The following CAMKMT variants were observed in gnomAD, a reference collection of about 807,000 sequenced individuals.
CAMKMT encodes calmodulin-lysine N-methyltransferase.
CAMKMT carries 53 observed loss-of-function variants against 48.0 expected under a neutral mutation model. The observed-to-expected ratio is 1.10, with a 90% CI of 0.89 to 1.39. The LOEUF (loss-of-function observed/expected upper bound fraction) is 1.39. Among genes scored for constraint, CAMKMT ranks in the 40% most tolerant of loss-of-function variants. The pLI is 0.00. For missense variants in CAMKMT, 428 were observed against 402.7 expected, an observed-to-expected ratio of 1.06 and a Z score of -0.54; for synonymous variants, 165 against 152.3, an observed-to-expected ratio of 1.08 and a Z score of -0.61.
chr2:44,399,222 T>C (rs957350475), intron 3 of CAMKMT, among the ~76,000 whole-genome samples: 1 of 152,206 alleles, frequency 6.6e-6, no homozygotes, highest in African/African-American at 2.4e-5. Flanking sequence ...TAATTTCTGA[T>C]TGATTTTCTA....
chr2:44,678,220 C>T (rs761208392), intron 3 of CAMKMT, among the ~76,000 whole-genome samples: 6 of 152,172 alleles, frequency 3.9e-5, no homozygotes, highest in Non-Finnish European at 1.5e-5. Context: ...AAAAAGTAGA[C>T]TTGTGATGGT....
intron 3 of CAMKMT, among the ~76,000 whole-genome samples, chr2:44,585,682 A>G (rs1022296108): frequency 1.3e-5 from 2 of 152,234 alleles, no homozygotes; most frequent in Non-Finnish European, 2.9e-5. Flanking sequence ...ACAATTGTGT[A>G]CTTTATGAAG....
chr2:44,633,153 A>G (rs1672934191), intron 3 of CAMKMT, among the ~76,000 whole-genome samples: 1 of 152,062 alleles, frequency 6.6e-6, no homozygotes, highest in African/African-American at 2.4e-5. Context: ...TCAAAAGTAC[A>G]CCCATTTTTG....
intron 3 of CAMKMT, among the ~76,000 whole-genome samples, chr2:44,608,111 C>T (rs1671394865): frequency 2.1e-5 from 3 of 144,844 alleles, no homozygotes; most frequent in Middle Eastern, 7.3e-3. Context: ...CTTGCTCCGT[C>T]GCCCAGGCTG....
chr2:44,405,090 A>G (rs990587248), intron 3 of CAMKMT, among the ~76,000 whole-genome samples: 1 of 152,038 alleles, frequency 6.6e-6, no homozygotes, highest in Non-Finnish European at 1.5e-5. Flanking sequence ...GGAGTTCATT[A>G]TTTTCTATCT....
chr2:44,404,312 A>C (rs1349211045), intron 3 of CAMKMT, among the ~76,000 whole-genome samples: 1 of 152,122 alleles, frequency 6.6e-6, no homozygotes, highest in African/African-American at 2.4e-5. Context: ...CTCCAGGAAC[A>C]TGTTCATATT....
intron 3 of CAMKMT, among the ~76,000 whole-genome samples, chr2:44,527,293 A>C (rs1271474843): frequency 1.4e-5 from 2 of 144,312 alleles, no homozygotes; most frequent in East Asian, 2.0e-4. Context: ...ATATATATAT[A>C]ATATACATAT....
At chr2:44,442,740 G>C (rs1281313362) in intron 3 of CAMKMT, among the ~76,000 whole-genome samples, 3 of 152,166 alleles carry the variant, frequency 2.0e-5, no homozygotes, top group Admixed American at 6.5e-5. Context: ...AAAGTACTTA[G>C]TTCATCCTGC....
intron 3 of CAMKMT, among the ~76,000 whole-genome samples, chr2:44,499,435 A>G (rs1340539975): frequency 6.6e-6 from 1 of 152,220 alleles, no homozygotes; most frequent in Non-Finnish European, 1.5e-5. Flanking sequence ...CTCAAGTTCT[A>G]GTGTATTCAT....
At chr2:44,493,053 C>G (rs1277042615) in intron 3 of CAMKMT, among the ~76,000 whole-genome samples, 5 of 151,872 alleles carry the variant, frequency 3.3e-5, no homozygotes, top group Non-Finnish European at 4.4e-5. Flanking sequence ...ACCACCATGC[C>G]CAGCTAATTT....
intron 3 of CAMKMT, among the ~76,000 whole-genome samples, chr2:44,611,856 G>A (rs1282243206): frequency 6.6e-6 from 1 of 151,912 alleles, no homozygotes; most frequent in Non-Finnish European, 1.5e-5. Flanking sequence ...GAGGTTGGGG[G>A]AGGTGCCACA....
intron 3 of CAMKMT, among the ~76,000 whole-genome samples, chr2:44,520,372 C>G (rs1181962027): frequency 6.6e-6 from 1 of 152,136 alleles, no homozygotes; most frequent in East Asian, 1.9e-4. Context: ...CTGCCGTGGA[C>G]TCCCAAGTTG....
chr2:44,487,434 T>C (rs568949500), intron 3 of CAMKMT, among the ~76,000 whole-genome samples: 43 of 152,294 alleles, frequency 2.8e-4, no homozygotes, highest in Middle Eastern at 6.8e-3. Context: ...ATAATTATAA[T>C]CAAATAGAGA....
intron 10 of CAMKMT, among the ~76,000 whole-genome samples, chr2:44,770,390 G>A (rs1681054198): frequency 6.6e-6 from 1 of 152,224 alleles, no homozygotes; most frequent in Non-Finnish European, 1.5e-5. Flanking sequence ...GGTCAGCATA[G>A]AATCCAAGTT....
intron 9 of CAMKMT, among the ~76,000 whole-genome samples, chr2:44,757,049 C>T (rs559140487): frequency 1.3e-5 from 2 of 152,324 alleles, no homozygotes; most frequent in African/African-American, 2.4e-5. Context: ...CTAGTGCCCA[C>T]CTTGTGGATT....
At chr2:44,766,154 G>A (rs1018475145) in intron 9 of CAMKMT, among the ~76,000 whole-genome samples, 7 of 152,148 alleles carry the variant, frequency 4.6e-5, no homozygotes, top group African/African-American at 9.7e-5. Flanking sequence ...CATATTGTTC[G>A]GAACACCGGC....
chr2:44,631,399 A>G, intron 3 of CAMKMT: 1 of 491,108 alleles, frequency 2.0e-6, no homozygotes, highest in East Asian at 3.6e-5. Flanking sequence ...AAGTATAATA[A>G]TAATAATAGT....
chr2:44,464,941 T>A (rs1668033616), intron 3 of CAMKMT, among the ~76,000 whole-genome samples: 2 of 152,214 alleles, frequency 1.3e-5, no homozygotes, highest in South Asian at 4.1e-4. Context: ...CAGAATCCTA[T>A]AATCTGTTAT....
chr2:44,605,882 C>T (rs1286077255), intron 3 of CAMKMT, among the ~76,000 whole-genome samples: 1 of 152,080 alleles, frequency 6.6e-6, no homozygotes, highest in Non-Finnish European at 1.5e-5. Context: ...ATACATAGAG[C>T]TTCTTTAAAA....
Sources: allele counts gnomAD v4.1 joint callset (sites outside exome capture counted in the v4.1 genomes callset), GRCh38; gene constraint gnomAD v4.1.1; transcripts MANE v1.5; gene names NCBI Gene and HGNC (gene_info 2026-07-23, HGNC 2026-07-21).